KCNU1: variants seen among roughly 807,000 people sequenced by gnomAD.
The protein encoded by KCNU1 is potassium channel subfamily U member 1.
In KCNU1, 93 loss-of-function variants were observed where a neutral mutation model predicts 126.8. The observed-to-expected ratio is 0.73, with a 90% confidence interval of 0.62 to 0.87. The LOEUF (loss-of-function observed/expected upper bound fraction) is 0.87. KCNU1 is among the 40% of genes least tolerant of loss of function. The pLI, the probability that KCNU1 is intolerant of heterozygous loss-of-function variation, is 0.00. For missense variants in KCNU1, 1,330 were observed against 1,367.1 expected, an observed-to-expected ratio of 0.97 and a Z score of 0.43; for synonymous variants, 523 against 494.2, an observed-to-expected ratio of 1.06 and a Z score of -0.77.
intron 19 of KCNU1, among the ~76,000 whole-genome samples, chr8:36,889,927 T>C (rs1013681495): frequency 1.3e-5 from 2 of 152,164 alleles, no homozygotes; most frequent in Non-Finnish European, 2.9e-5. Flanking sequence ...GTTGTCTTTT[T>C]GTCAGAAACC....
intron 19 of KCNU1, among the ~76,000 whole-genome samples, chr8:36,892,435 A>T (rs1429633350): frequency 6.6e-6 from 1 of 151,522 alleles, no homozygotes; most frequent in Non-Finnish European, 1.5e-5. Flanking sequence ...GGCTCTTATA[A>T]AATCTTTGCC....
intron 9 of KCNU1, among the ~76,000 whole-genome samples, chr8:36,816,748 T>C (rs1803927780): frequency 6.6e-6 from 1 of 152,160 alleles, no homozygotes; most frequent in Non-Finnish European, 1.5e-5. Context: ...AAATTTTTCA[T>C]GACAAAAACT....
chr8:36,811,917 A>G (rs1803731652), intron 7 of KCNU1, among the ~76,000 whole-genome samples: 1 of 152,130 alleles, frequency 6.6e-6, no homozygotes, highest in African/African-American at 2.4e-5. Context: ...TAAAAAAATT[A>G]GCTGGGCATG....
At chr8:36,918,752 ATTC>A in intron 22 of KCNU1, 68 bp from the exon 23 acceptor site, 2 of 915,570 alleles carry the variant, frequency 2.2e-6, no homozygotes, top group Admixed American at 1.9e-5. Flanking sequence ...GTTACATTAT[ATTC>A]TTCTACATTT....
intron 16 of KCNU1, among the ~76,000 whole-genome samples, chr8:36,843,571 C>T (rs1027346573): frequency 6.6e-6 from 1 of 152,198 alleles, no homozygotes; most frequent in African/African-American, 2.4e-5. Context: ...GTGGCAGAGC[C>T]AGGATCTGAA....
At chr8:36,832,451 A>G (rs184794694) in intron 10 of KCNU1, among the ~76,000 whole-genome samples, 227 of 152,174 alleles carry the variant, frequency 1.5e-3, no homozygotes, top group Non-Finnish European at 2.4e-3. Context: ...TTCTAGAGTT[A>G]GTTCTGATAA....
intron 19 of KCNU1, among the ~76,000 whole-genome samples, chr8:36,899,739 A>G (rs947676942): frequency 1.2e-4 from 19 of 152,020 alleles, no homozygotes; most frequent in African/African-American, 4.3e-4. Context: ...CATCAGCAGA[A>G]CTCTTCAATA....
In KCNU1 at chr8:36,931,367, A is replaced by T. The variant is rs1415131302; in HGVS notation, c.2931+222A>T. ...TTTTTATAATAATTATGGGAAGTAG[A>T]TAAAGAAGTTGTTATTATCCCCATC... On this transcript the variant is annotated intron_variant, in intron 25 of 26. Transcript: ENST00000399881. 2.0e-5 allele frequency among the ~76,000 whole-genome samples: 3 copies of T among 152,168 alleles called. No homozygotes were observed. The East Asian group carries it at 5.8e-4, about 29-fold the overall frequency.
rs752923984 is a variant in KCNU1, at chr8:36,845,689, G to C, written c.1793+20G>C. The C allele has an allele frequency of 1.9e-6, 3 of 1,557,232 alleles. No individual in the cohort carries two copies. The East Asian group carries it at 6.7e-5, about 35-fold the overall frequency. ...CAGAAGGTAATTTTATTATTTTATGGGGGAAAAGCACTAAAGCAACTACAG... is the reference window on the plus strand; with the variant it reads ...CAGAAGGTAATTTTATTATTTTATGCGGGAAAAGCACTAAAGCAACTACAG... On this transcript the variant is annotated intron_variant, in intron 17 of 26. Coordinates refer to ENST00000399881, the MANE Select transcript of KCNU1 (RefSeq NM_001031836.3).
chr8:36,812,559 C>T (rs192246821), intron 7 of KCNU1, among the ~76,000 whole-genome samples: 3 of 152,138 alleles, frequency 2.0e-5, no homozygotes, highest in African/African-American at 7.2e-5. Context: ...TCATATTTTT[C>T]TTCTTAGTGT....
intron 24 of KCNU1, among the ~76,000 whole-genome samples, chr8:36,927,341 T>C (rs894536559): frequency 6.6e-6 from 1 of 152,174 alleles, no homozygotes; most frequent in Non-Finnish European, 1.5e-5. Context: ...GAAATATTCC[T>C]ATAGGATATA....
At chr8:36,832,790 A>G (rs1261442275) in intron 10 of KCNU1, among the ~76,000 whole-genome samples, 8 of 151,992 alleles carry the variant, frequency 5.3e-5, no homozygotes, top group Admixed American at 5.2e-4. Context: ...CTATTCTAAT[A>G]CATCTCCAAA....
chr8:36,784,714 G>C (rs1405202347), intron 1 of KCNU1, 109 bp downstream of exon 1: 1 of 884,090 alleles, frequency 1.1e-6, no homozygotes, highest in Non-Finnish European at 1.7e-6. Flanking sequence ...AGCTAACAGA[G>C]TCAGCTTCTA....
chr8:36,844,138 G>A (rs1489200868), intron 16 of KCNU1, among the ~76,000 whole-genome samples: 1 of 152,134 alleles, frequency 6.6e-6, no homozygotes, highest in African/African-American at 2.4e-5. Context: ...CAGCAGTTTG[G>A]GAGGCCGAAG....
intron 21 of KCNU1, 62 bp from the exon 22 acceptor site, chr8:36,910,868 T>G: frequency 4.2e-6 from 5 of 1,196,918 alleles, no homozygotes; most frequent in Non-Finnish European, 5.9e-6. Context: ...GCCACCACCA[T>G]GAGCCATGAT....
At chr8:36,901,291 T>C (rs772012901) in intron 19 of KCNU1, among the ~76,000 whole-genome samples, 1 of 152,040 alleles carries the variant, frequency 6.6e-6, no homozygotes, top group Non-Finnish European at 1.5e-5. Context: ...TCTTACATGG[T>C]TTGGTCTCTC....
intron 19 of KCNU1, among the ~76,000 whole-genome samples, chr8:36,883,687 A>T (rs1403732708): frequency 6.6e-6 from 1 of 152,056 alleles, no homozygotes; most frequent in Non-Finnish European, 1.5e-5. Flanking sequence ...GCTACTTGGG[A>T]GGCTGATGTG....
intron 22 of KCNU1, among the ~76,000 whole-genome samples, chr8:36,912,386 A>G (rs944050252): frequency 6.6e-6 from 1 of 152,192 alleles, no homozygotes; most frequent in Admixed American, 6.5e-5. Flanking sequence ...TAAGCAACCA[A>G]TCCTGACCCA....
chr8:36,852,094 A>G (rs901440554), intron 18 of KCNU1, among the ~76,000 whole-genome samples: 1 of 151,840 alleles, frequency 6.6e-6, no homozygotes, highest in Non-Finnish European at 1.5e-5. Flanking sequence ...AATGGCTTTG[A>G]TGTTTGTCAT....
Sources: gnomAD v4.1 joint callset for allele counts (sites outside exome capture counted in the v4.1 genomes callset) on GRCh38, gnomAD v4.1.1 for gene constraint, MANE v1.5 for transcripts, NCBI Gene and HGNC (gene_info 2026-07-23, HGNC 2026-07-21) for gene names.